SH3GL2: variants seen among roughly 807,000 people sequenced by gnomAD.
SH3GL2 encodes the protein endophilin-A1.
In SH3GL2, 24 loss-of-function variants were observed where a neutral mutation model predicts 46.0. The ratio of observed to expected loss-of-function variants is 0.52; its 90% CI spans 0.38 to 0.73. The LOEUF (loss-of-function observed/expected upper bound fraction) is 0.73, where lower values mean the gene tolerates loss of function less well. Ranked by LOEUF, SH3GL2 falls within the 30% of genes least tolerant of loss-of-function variation. The pLI, the probability that SH3GL2 is intolerant of heterozygous loss-of-function variation, is 0.00. For missense variants in SH3GL2, 413 were observed against 424.2 expected (o/e 0.97, Z 0.23); for synonymous variants, 196 against 147.1 (o/e 1.33, Z -2.40).
chr9:17,789,343 C>T, intron 5 of SH3GL2, 49 bp from the exon 6 acceptor site: 2 of 1,534,080 alleles, frequency 1.3e-6, no homozygotes, highest in Middle Eastern at 1.7e-4. Flanking sequence ...TCAAATAAGC[C>T]TTTTCCATAA....
chr9:17,647,536 T>C (rs1451335701), intron 1 of SH3GL2, among the ~76,000 whole-genome samples: 4 of 152,176 alleles, frequency 2.6e-5, no homozygotes, highest in Non-Finnish European at 5.9e-5. Context: ...TTCTTAAGTC[T>C]GTAACATACA....
At chr9:17,678,840 T>G (rs537005144) in intron 1 of SH3GL2, among the ~76,000 whole-genome samples, 32 of 152,314 alleles carry the variant, frequency 2.1e-4, no homozygotes, top group African/African-American at 7.0e-4. Context: ...AGTTTCGGCT[T>G]TCTCCATATG....
chr9:17,678,029 T>C (rs1484159537), intron 1 of SH3GL2, among the ~76,000 whole-genome samples: 1 of 152,198 alleles, frequency 6.6e-6, no homozygotes, highest in Admixed American at 6.5e-5. Context: ...AGTCTATCAT[T>C]ATTGGACATT....
intron 1 of SH3GL2, among the ~76,000 whole-genome samples, chr9:17,677,772 C>G (rs1446001615): frequency 6.6e-6 from 1 of 152,014 alleles, no homozygotes; most frequent in Non-Finnish European, 1.5e-5. Flanking sequence ...AATGCTATCC[C>G]TCCTACCTCC....
intron 1 of SH3GL2, among the ~76,000 whole-genome samples, chr9:17,717,276 A>G (rs1821786619): frequency 6.6e-6 from 1 of 152,172 alleles, no homozygotes; most frequent in Non-Finnish European, 1.5e-5. Flanking sequence ...TCCCTTTTGA[A>G]GAACACATTT....
At chr9:17,761,305 C>T (rs1221533465) in intron 2 of SH3GL2, 132 bp from the exon 3 acceptor site, 4 of 665,600 alleles carry the variant, frequency 6.0e-6, no homozygotes, top group East Asian at 5.3e-5. Context: ...CGCGTCTCAG[C>T]CTCCCTCACC....
intron 5 of SH3GL2, 63 bp downstream of exon 5, chr9:17,787,576 T>C: frequency 7.1e-7 from 1 of 1,409,002 alleles, no homozygotes; most frequent in Non-Finnish European, 9.9e-7. Flanking sequence ...GATGCCTTTT[T>C]TCTTTAGAAA....
rs2131151710 is a variant in SH3GL2 at position 17,761,494 on chromosome 9, C to T, written c.172C>T (p.Leu58Phe). 2.5e-6 allele frequency: 4 copies of T among 1,594,596 alleles called. No homozygotes were observed. The highest frequency in any genetic ancestry group is 3.4e-6 in the Non-Finnish European group (4 of 1,162,232). Residue 58 changes from leucine (L) to phenylalanine (F), a missense_variant, in exon 3 of 9, where the codon CTT (leucine) becomes TTT (phenylalanine). By Grantham distance (22) the Leu-to-Phe change is conservative. This residue lies in a region of SH3GL2 where 160 missense variants were observed against 192.3 expected (regional missense o/e 0.83). Coordinates refer to ENST00000380607, the MANE Select transcript of SH3GL2 (RefSeq NM_003026.5). ...MEIMTKTIEY[L>F]QPNPASRAKL... is the part of the protein sequence containing the mutation. Reference sequence around the variant, plus strand: ...AATAATGACTAAAACAATTGAATACCTTCAACCCAATCCAGGTAAGGCATC... The same window carrying T: ...AATAATGACTAAAACAATTGAATACTTTCAACCCAATCCAGGTAAGGCATC...
intron 1 of SH3GL2, among the ~76,000 whole-genome samples, chr9:17,636,997 C>G (rs1406103827): frequency 6.6e-6 from 1 of 152,178 alleles, no homozygotes; most frequent in Non-Finnish European, 1.5e-5. Context: ...AGGTTACTTG[C>G]TCTAACCTGC....
chr9:17,770,952 G>C (rs1823462414), intron 3 of SH3GL2, among the ~76,000 whole-genome samples: 1 of 152,198 alleles, frequency 6.6e-6, no homozygotes, highest in Non-Finnish European at 1.5e-5. Flanking sequence ...ATTGTTTGCA[G>C]CCTGGCGAGA....
chr9:17,659,047 G>C (rs1820153633), intron 1 of SH3GL2, among the ~76,000 whole-genome samples: 1 of 152,210 alleles, frequency 6.6e-6, no homozygotes, highest in Admixed American at 6.5e-5. Flanking sequence ...GAAGAAAATG[G>C]TGATGGAAGA....
chr9:17,744,342 A>G (rs1822618931), intron 1 of SH3GL2, among the ~76,000 whole-genome samples: 1 of 151,990 alleles, frequency 6.6e-6, no homozygotes, highest in African/African-American at 2.4e-5. Flanking sequence ...AAACCTGAAT[A>G]TGCTCGTCAA....
At chr9:17,634,078 T>G (rs79800167) in intron 1 of SH3GL2, among the ~76,000 whole-genome samples, 2,100 of 152,308 alleles carry the variant, frequency 0.014, 46 homozygotes, top group African/African-American at 0.048. Flanking sequence ...CTCAGACTCT[T>G]GATGTGGAGT....
chr9:17,760,640 A>T (rs569323493), intron 2 of SH3GL2, among the ~76,000 whole-genome samples: 2 of 152,312 alleles, frequency 1.3e-5, no homozygotes, highest in Non-Finnish European at 2.9e-5. Context: ...ACTTTCATTT[A>T]TACCTATGTC....
In SH3GL2 at chr9:17,712,104, C is replaced by G. The variant is rs377038282; in HGVS notation, c.46-34962C>G. Among the ~76,000 whole-genome samples the G allele has an allele frequency of 4.6e-5, 7 of 151,732 alleles. No homozygotes were observed. In the East Asian group the frequency reaches 1.2e-3, roughly 25 times the overall value. ...TTTTTATGTGCTTTTTTTGCTATTCCTATTTTCTTTGATGATGTATCTGTT... is the reference window on the plus strand; with the variant it reads ...TTTTTATGTGCTTTTTTTGCTATTCGTATTTTCTTTGATGATGTATCTGTT... On this transcript the variant is annotated intron_variant, in intron 1 of 8. Transcript: ENST00000380607.
At chr9:17,709,319 A>G (rs1821557096) in intron 1 of SH3GL2, among the ~76,000 whole-genome samples, 1 of 152,064 alleles carries the variant, frequency 6.6e-6, no homozygotes, top group South Asian at 2.1e-4. Context: ...AGAGTGTATT[A>G]AAGCCTTTAA....
intron 1 of SH3GL2, among the ~76,000 whole-genome samples, chr9:17,722,629 A>T: frequency 6.6e-6 from 1 of 152,064 alleles, no homozygotes; most frequent in East Asian, 1.9e-4. Context: ...GCACCTATTA[A>T]AATCATGCTG....
At chr9:17,739,705 A>G (rs1462839004) in intron 1 of SH3GL2, among the ~76,000 whole-genome samples, 1 of 152,178 alleles carries the variant, frequency 6.6e-6, no homozygotes, top group Non-Finnish European at 1.5e-5. Flanking sequence ...AACTGTGGGT[A>G]ATATGTAGTT....
At chr9:17,762,952 C>T (rs1427420847) in intron 3 of SH3GL2, among the ~76,000 whole-genome samples, 1 of 152,062 alleles carries the variant, frequency 6.6e-6, no homozygotes, top group African/African-American at 2.4e-5. Flanking sequence ...TTGCCTAGAA[C>T]CTTGAAGTAC....
Sources: allele counts gnomAD v4.1 joint callset (sites outside exome capture counted in the v4.1 genomes callset), GRCh38; gene constraint gnomAD v4.1.1; regional missense constraint gnomAD v4.1.1; transcripts MANE v1.5; gene names NCBI Gene and HGNC (gene_info 2026-07-23, HGNC 2026-07-21).